The following GRIK3 variants were observed in gnomAD, a reference collection of about 807,000 sequenced individuals.
GRIK3 encodes glutamate receptor ionotropic, kainate 3.
A neutral mutation model predicts 102.5 loss-of-function variants in GRIK3; 29 were observed. The ratio of observed to expected loss-of-function variants is 0.28; its 90% confidence interval spans 0.21 to 0.39. The LOEUF (loss-of-function observed/expected upper bound fraction) is 0.39, where lower values mean the gene tolerates loss of function less well. Ranked by LOEUF, GRIK3 falls within the 10% of genes least tolerant of loss-of-function variation. The probability of loss-of-function intolerance (pLI) is 1.00; values close to 1 mark genes in which losing one functional copy is unlikely to be tolerated. For missense variants in GRIK3, 908 were observed against 1,252.4 expected (o/e 0.73, Z 4.15); for synonymous variants, 511 against 504.9 (o/e 1.01, Z -0.16).
chr1:36,878,639 G>A (rs1199665965), intron 3 of GRIK3, among the ~76,000 whole-genome samples: 1 of 152,146 alleles, frequency 6.6e-6, no homozygotes, highest in African/African-American at 2.4e-5. Flanking sequence ...AAATGTCTTG[G>A]GACTCAAGCC....
intron 9 of GRIK3, among the ~76,000 whole-genome samples, chr1:36,848,747 ATTTG>A (rs1420981663): frequency 2.2e-5 from 3 of 135,248 alleles, no homozygotes; most frequent in Non-Finnish European, 3.2e-5. Context: ...TGCTCTTGTT[ATTTG>A]TTTATTTTCA....
intron 1 of GRIK3, among the ~76,000 whole-genome samples, chr1:36,979,439 G>A (rs898737275): frequency 2.0e-5 from 3 of 152,324 alleles, no homozygotes; most frequent in Non-Finnish European, 4.4e-5. Context: ...AAGCTCAGGT[G>A]CAGGAATGCT....
Position 36,869,801 on chromosome 1 carries a change from C to T in GRIK3, c.733G>A (p.Ala245Thr). 6.2e-7 allele frequency: 1 copy of T among 1,611,562 alleles called. No homozygotes were observed. Reference protein sequence around the residue: ...HTMAAQILKQAMAMGMMTEYY... With the variant: ...HTMAAQILKQTMAMGMMTEYY... ...TCAGTCATCATGCCCATGGCCATGG[C>T]CTGCAGAAAAGCAGAGTGTTAGTGA... The change falls in exon 5 of 16, where the codon GCC becomes ACC. Residue 245 changes from alanine (A) to threonine (T), a missense_variant and splice_region_variant. Transcript: ENST00000373091.
chr1:37,021,697 C>A (rs1276090969), intron 1 of GRIK3, among the ~76,000 whole-genome samples: 2 of 152,094 alleles, frequency 1.3e-5, no homozygotes, highest in East Asian at 3.9e-4. Flanking sequence ...GTCATGTTTC[C>A]CCAGGGAGGG....
chr1:37,025,301 C>G (rs540912097), intron 1 of GRIK3, among the ~76,000 whole-genome samples: 90 of 152,216 alleles, frequency 5.9e-4, no homozygotes, highest in African/African-American at 2.1e-3. Flanking sequence ...AGTGTGGCTC[C>G]CAGATGAGCG....
At chr1:36,843,289 C>T (rs1640482278) in intron 9 of GRIK3, among the ~76,000 whole-genome samples, 1 of 152,190 alleles carries the variant, frequency 6.6e-6, no homozygotes, top group Admixed American at 6.5e-5. Flanking sequence ...CACAAAGCCC[C>T]ATCCCGTGTC....
chr1:36,840,894 T>C (rs1477192262), intron 10 of GRIK3, among the ~76,000 whole-genome samples: 1 of 152,206 alleles, frequency 6.6e-6, no homozygotes, highest in Non-Finnish European at 1.5e-5. Context: ...GGGACCCTCT[T>C]ACTGAACTTA....
chr1:37,033,866 G>A, intron 1 of GRIK3, 128 bp downstream of exon 1: 1 of 531,924 alleles, frequency 1.9e-6, no homozygotes, highest in Non-Finnish European at 3.4e-6. Context: ...AGGAGCTCCT[G>A]GTGGTCACCG....
intron 1 of GRIK3, among the ~76,000 whole-genome samples, chr1:36,973,513 G>A (rs1406444470): frequency 1.4e-5 from 2 of 148,012 alleles, no homozygotes; most frequent in South Asian, 2.1e-4. Context: ...TCCACCTCCC[G>A]GGTTCAAGCA....
rs1423791948 is a variant in GRIK3, at chr1:37,034,141, G to C, written c.-33C>G. ...CGCCGCCGAGCGTGCCCGGGGCGCG[G>C]CCGTGGCGGGCTCCCTGGGGCGGCA... On this transcript the variant is annotated 5_prime_UTR_variant, in exon 1 of 16. Coordinates refer to ENST00000373091, the MANE Select transcript of GRIK3 (RefSeq NM_000831.4). 1 of 1,172,756 alleles carries C rather than the reference G, an allele frequency of 8.5e-7. No individual in the cohort carries two copies. 72.6% of individuals were successfully genotyped at this position (1,172,756 alleles called of 1,614,324 possible). A position where few individuals can be genotyped will look rare whatever the true frequency, so the allele number is the denominator to read the frequency against.
At chr1:36,945,564 T>C (rs1245786902) in intron 1 of GRIK3, among the ~76,000 whole-genome samples, 1 of 152,204 alleles carries the variant, frequency 6.6e-6, no homozygotes, top group Non-Finnish European at 1.5e-5. Flanking sequence ...ACACCGGAGA[T>C]GTACAAGAGA....
chr1:36,944,223 G>A (rs1034488915), intron 1 of GRIK3, among the ~76,000 whole-genome samples: 1 of 152,250 alleles, frequency 6.6e-6, no homozygotes, highest in African/African-American at 2.4e-5. Flanking sequence ...GGAGAGAGGA[G>A]AACAACTTTC....
intron 10 of GRIK3, 64 bp from the exon 11 acceptor site, chr1:36,825,890 A>C (rs1351122995): frequency 2.6e-6 from 3 of 1,170,950 alleles, no homozygotes; most frequent in Non-Finnish European, 3.7e-6. Context: ...GGGAGACAGA[A>C]CACCATTGCT....
At chr1:37,019,714 T>C (rs1306587033) in intron 1 of GRIK3, among the ~76,000 whole-genome samples, 1 of 152,186 alleles carries the variant, frequency 6.6e-6, no homozygotes, top group Non-Finnish European at 1.5e-5. Context: ...AGAACCCATG[T>C]GAAAAAGACA....
chr1:36,995,846 C>G (rs1250945485), intron 1 of GRIK3, among the ~76,000 whole-genome samples: 2 of 152,208 alleles, frequency 1.3e-5, no homozygotes, highest in African/African-American at 4.8e-5. Flanking sequence ...ACAAACAGAG[C>G]TGGCAAGGCA....
intron 1 of GRIK3, among the ~76,000 whole-genome samples, chr1:37,025,620 T>C (rs1430581002): frequency 6.6e-6 from 1 of 152,220 alleles, no homozygotes; most frequent in African/African-American, 2.4e-5. Context: ...ATATTTCAGT[T>C]CTGCAAAGCA....
chr1:37,003,755 C>G (rs1642503499), intron 1 of GRIK3, among the ~76,000 whole-genome samples: 1 of 152,206 alleles, frequency 6.6e-6, no homozygotes, highest in African/African-American at 2.4e-5. Flanking sequence ...GAGAGCCAGG[C>G]TGTCCTTCCT....
chr1:36,883,095 C>T (rs1405449727), intron 2 of GRIK3, among the ~76,000 whole-genome samples: 2 of 152,200 alleles, frequency 1.3e-5, no homozygotes, highest in African/African-American at 4.8e-5. Flanking sequence ...TCAAGGGCCT[C>T]TGGGAATGAC....
rs192909833 is a variant in GRIK3, at chr1:36,985,917, G to A, written c.115+48077C>T. Among the ~76,000 whole-genome samples, 886 of 152,114 alleles carry A rather than the reference G, an allele frequency of 5.8e-3. 11 individuals are homozygous for A. The highest frequency in any genetic ancestry group is 0.021 in the African/African-American group (855 of 41,496). ...ATGAAGGGTGAGTGTGGCCCCTTCC[G>A]GCTGAGTTCCCTCCCCCTCCTCCTC... On this transcript the variant is annotated intron_variant, in intron 1 of 15. Transcript: ENST00000373091.
Sources: allele counts gnomAD v4.1 joint callset (sites outside exome capture counted in the v4.1 genomes callset), GRCh38; gene constraint gnomAD v4.1.1; transcripts MANE v1.5; gene names NCBI Gene and HGNC (gene_info 2026-07-23, HGNC 2026-07-21).